The following TMEM135 variants were observed in gnomAD, a reference collection of about 807,000 sequenced individuals.
TMEM135 encodes the protein peroxisomal membrane protein 52.
TMEM135 carries 30 observed loss-of-function variants against 60.3 expected under a neutral mutation model. The ratio of observed to expected loss-of-function variants is 0.50; its 90% CI spans 0.37 to 0.68. The LOEUF is 0.68. Ranked by LOEUF, TMEM135 falls within the 30% of genes least tolerant of loss-of-function variation. The pLI is 0.00. For missense variants in TMEM135, 468 were observed against 548.8 expected, an observed-to-expected ratio of 0.85 and a Z score of 1.47; for synonymous variants, 190 against 186.7, an observed-to-expected ratio of 1.02 and a Z score of -0.14.
chr11:87,143,365 TC>T (rs57322949), intron 4 of TMEM135, among the ~76,000 whole-genome samples: 32,914 of 119,702 alleles, frequency 0.27, 4,401 homozygotes, highest in East Asian at 0.62. Context: ...TTTCTTTCTT[TC>T]TTTTTTTTTT....
intron 5 of TMEM135, among the ~76,000 whole-genome samples, chr11:87,190,723 T>A (rs907515274): frequency 3.3e-5 from 5 of 152,150 alleles, no homozygotes; most frequent in Non-Finnish European, 7.4e-5. Flanking sequence ...CAGCAGCAGA[T>A]ATTTGATGTC....
intron 3 of TMEM135, among the ~76,000 whole-genome samples, chr11:87,086,037 T>C (rs889158739): frequency 6.6e-6 from 1 of 152,186 alleles, no homozygotes. Flanking sequence ...TTGTTAAGTT[T>C]TATGCAACTT....
At chr11:87,279,160 T>C (rs1942017292) in intron 6 of TMEM135, among the ~76,000 whole-genome samples, 1 of 152,200 alleles carries the variant, frequency 6.6e-6, no homozygotes, top group Non-Finnish European at 1.5e-5. Flanking sequence ...TTATATCACA[T>C]GTACCATTAT....
chr11:87,302,681 G>A (rs1412805910), intron 8 of TMEM135, among the ~76,000 whole-genome samples: 2 of 152,142 alleles, frequency 1.3e-5, no homozygotes, highest in Non-Finnish European at 2.9e-5. Context: ...GAATACTTTT[G>A]TATTTCAAAC....
At chr11:87,206,162 T>G (rs1193394922) in intron 5 of TMEM135, among the ~76,000 whole-genome samples, 1 of 152,178 alleles carries the variant, frequency 6.6e-6, no homozygotes, top group Non-Finnish European at 1.5e-5. Context: ...ATGCATTAGT[T>G]TGAAAGGACC....
intron 8 of TMEM135, among the ~76,000 whole-genome samples, chr11:87,303,476 C>G (rs561804841): frequency 6.6e-6 from 1 of 152,280 alleles, no homozygotes; most frequent in Admixed American, 6.5e-5. Flanking sequence ...ATGTTTCACT[C>G]TTATTTTCCC....
At chr11:87,118,622 G>A (rs1857956610) in intron 4 of TMEM135, among the ~76,000 whole-genome samples, 1 of 151,900 alleles carries the variant, frequency 6.6e-6, no homozygotes, top group Non-Finnish European at 1.5e-5. Flanking sequence ...CTAATTTTTT[G>A]TATTTTTAGT....
At chr11:87,122,328 T>G (rs1378828503) in intron 4 of TMEM135, among the ~76,000 whole-genome samples, 4 of 121,592 alleles carry the variant, frequency 3.3e-5, no homozygotes, top group Middle Eastern at 4.6e-3. Flanking sequence ...TTTTTTTTTT[T>G]GTCAAATCCT....
At chr11:87,176,535 A>G (rs1307419142) in intron 5 of TMEM135, among the ~76,000 whole-genome samples, 2 of 152,184 alleles carry the variant, frequency 1.3e-5, no homozygotes, top group East Asian at 3.9e-4. Flanking sequence ...TTCAGTAGGG[A>G]TGTGGCAGGT....
intron 4 of TMEM135, among the ~76,000 whole-genome samples, chr11:87,127,450 T>C (rs1298191001): frequency 6.6e-6 from 1 of 152,220 alleles, no homozygotes; most frequent in Non-Finnish European, 1.5e-5. Flanking sequence ...CTTTTTCTTT[T>C]TGTGAGCTTC....
At chr11:87,230,548 C>A (rs976940179) in intron 5 of TMEM135, among the ~76,000 whole-genome samples, 4 of 152,022 alleles carry the variant, frequency 2.6e-5, no homozygotes, top group African/African-American at 9.7e-5. Context: ...ATTGTTTCTA[C>A]AAGTGAACAA....
chr11:87,044,210 T>C (rs1949775148), intron 1 of TMEM135, among the ~76,000 whole-genome samples: 1 of 152,062 alleles, frequency 6.6e-6, no homozygotes, highest in South Asian at 2.1e-4. Flanking sequence ...AGAGTTGAAA[T>C]TTCTAGGAAT....
chr11:87,042,666 G>A (rs2135103804), intron 1 of TMEM135, among the ~76,000 whole-genome samples: 1 of 152,200 alleles, frequency 6.6e-6, no homozygotes, highest in African/African-American at 2.4e-5. Flanking sequence ...GTGTTTTCTG[G>A]AGCCTATAAA....
intron 4 of TMEM135, among the ~76,000 whole-genome samples, chr11:87,119,830 A>G (rs1483716040): frequency 1.3e-5 from 2 of 152,248 alleles, no homozygotes; most frequent in Non-Finnish European, 2.9e-5. Context: ...TGCTCTTGGA[A>G]AAATATCTTG....
At chr11:87,245,575 T>C (rs1283808229) in intron 6 of TMEM135, among the ~76,000 whole-genome samples, 1 of 141,946 alleles carries the variant, frequency 7.0e-6, no homozygotes. Context: ...TTAGCTCTTC[T>C]TGTTGAATTG....
chr11:87,163,607 T>C (rs1211858644), intron 5 of TMEM135, among the ~76,000 whole-genome samples: 93 of 152,108 alleles, frequency 6.1e-4, no homozygotes, highest in South Asian at 2.1e-3. Flanking sequence ...CCTGAGGAAT[T>C]GCCACACTGA....
At chr11:87,067,164 AAT>A (rs375554127) in intron 1 of TMEM135, among the ~76,000 whole-genome samples, 2,073 of 145,612 alleles carry the variant, frequency 0.014, 64 homozygotes, top group African/African-American at 0.049. Flanking sequence ...AAATTTACTA[AAT>A]ATATATATAT....
chr11:87,215,358 A>C (rs1309162878), intron 5 of TMEM135, among the ~76,000 whole-genome samples: 2 of 152,134 alleles, frequency 1.3e-5, no homozygotes, highest in African/African-American at 4.8e-5. Context: ...TGATTCTGTG[A>C]GTCAGTAATT....
At chr11:87,238,258 A>G (rs935333768) in intron 6 of TMEM135, among the ~76,000 whole-genome samples, 1 of 151,974 alleles carries the variant, frequency 6.6e-6, no homozygotes, top group Admixed American at 6.6e-5. Context: ...ATTTCCTGCT[A>G]GTATGTCCTA....
Sources: gnomAD v4.1 joint callset for allele counts (sites outside exome capture counted in the v4.1 genomes callset) on GRCh38, gnomAD v4.1.1 for gene constraint, MANE v1.5 for transcripts, NCBI Gene and HGNC (gene_info 2026-07-23, HGNC 2026-07-21) for gene names.